Variants in SUPT3H observed in about 807,000 individuals in gnomAD.
SUPT3H encodes transcription initiation protein SPT3 homolog.
In SUPT3H, 44 loss-of-function variants were observed where a neutral mutation model predicts 44.3. The ratio of observed to expected loss-of-function variants is 0.99; its 90% CI spans 0.78 to 1.28. SUPT3H has a LOEUF of 1.28. SUPT3H is among the 50% of genes most tolerant of loss of function. The probability of loss-of-function intolerance (pLI) is 0.00; values close to 1 mark genes in which losing one functional copy is unlikely to be tolerated. For synonymous variants in SUPT3H, 124 were observed against 125.6 expected (o/e 0.99, Z 0.09); for missense variants, 380 against 387.1 (o/e 0.98, Z 0.15).
chr6:45,193,321 A>G (rs948550133), intron 2 of SUPT3H, among the ~76,000 whole-genome samples: 6 of 152,276 alleles, frequency 3.9e-5, no homozygotes, highest in African/African-American at 1.4e-4. Context: ...TGTCCTAAAT[A>G]AGCTTTAAAA....
chr6:45,119,472 T>C (rs972235657), intron 2 of SUPT3H, among the ~76,000 whole-genome samples: 1 of 152,148 alleles, frequency 6.6e-6, no homozygotes, highest in African/African-American at 2.4e-5. Flanking sequence ...CTTCCCTATG[T>C]TGTGAAAGTT....
chr6:44,829,822 G>T lies in SUPT3H; in HGVS notation c.948C>A (p.Ala316=). The change falls in exon 11 of 11, where the codon GCC becomes GCA. Residue 316 remains alanine (A), a synonymous_variant. Transcript: ENST00000371459. The part of the protein sequence containing the change: ...AYRRNGMAFL[A]C ...GCACATCACAGTTGTCACATCAGCAGGCTAGAAAAGCCATCCCATTCCTGC... is the reference window on the plus strand; with the variant it reads ...GCACATCACAGTTGTCACATCAGCATGCTAGAAAAGCCATCCCATTCCTGC... The T allele has an allele frequency of 6.2e-7, 1 of 1,613,134 alleles. No homozygotes were observed. Among genetic ancestry groups the T allele is most frequent in the African/African-American group, 1.3e-5 (1 of 74,996 alleles).
At chr6:45,166,982 A>T (rs1809992037) in intron 2 of SUPT3H, among the ~76,000 whole-genome samples, 1 of 152,222 alleles carries the variant, frequency 6.6e-6, no homozygotes, top group East Asian at 1.9e-4. Flanking sequence ...TAAACAGTAA[A>T]CATACACTAC....
rs1390497241 is a variant in SUPT3H, at chr6:45,048,027, T to A, written c.187-27395A>T. The stretch of plus-strand genomic sequence containing the variant: ...TTTGTTCACTTAAGATTTGGTAGTC[T>A]TTGGACTAGACTCTGGAATAGACAA... On this transcript the variant is annotated intron_variant, in intron 3 of 10. Coordinates refer to ENST00000371459, the MANE Select transcript of SUPT3H (RefSeq NM_003599.4). Among the ~76,000 whole-genome samples, 7 of 152,070 alleles carry A rather than the reference T, an allele frequency of 4.6e-5. No individual in the cohort carries two copies. The East Asian group carries it at 7.7e-4, about 17-fold the overall frequency.
rs541416828 is a variant in SUPT3H at position 44,872,542 on chromosome 6, T to A, written c.913-42685A>T. On this transcript the variant is annotated intron_variant, in intron 10 of 10. Transcript: ENST00000371459. ...ACAACCGGTACCAGCCACTGCAAAA[T>A]CATGACAAAATGTAAAGACCATCGA... Among the ~76,000 whole-genome samples, 990 of 152,140 alleles carry A rather than the reference T, an allele frequency of 6.5e-3. 12 individuals carry two copies. Among genetic ancestry groups the A allele is most frequent in the African/African-American group, 0.023 (935 of 41,480 alleles).
intron 2 of SUPT3H, among the ~76,000 whole-genome samples, chr6:45,157,712 C>A (rs1287677310): frequency 1.3e-5 from 2 of 151,784 alleles, no homozygotes; most frequent in African/African-American, 4.8e-5. Flanking sequence ...CCATGCCCGG[C>A]TAATTTTTGT....
chr6:44,944,762 C>CAAAAAAAAAAAAAA lies in SUPT3H; in HGVS notation c.801+8534_801+8547dup, dbSNP rs57506313. Among the ~76,000 whole-genome samples the CAAAAAAAAAAAAAA allele has an allele frequency of 2.1e-3, 62 of 29,868 alleles. 1 individual carries two copies. The highest frequency in any genetic ancestry group is 0.042 in the Middle Eastern group (1 of 24). 19.6% of individuals were successfully genotyped at this position (29,868 alleles called of 152,430 possible). A position where few individuals can be genotyped will look rare whatever the true frequency, so the allele number is the denominator to read the frequency against. ...GGGAGACAAAGCAAGACCCTCTCTCCAAAAAAAAAAAAAAAAAAAAAAAGA... is the reference window on the plus strand; with the variant it reads ...GGGAGACAAAGCAAGACCCTCTCTCCAAAAAAAAAAAAAAAAAAAAAAAAAAAAAAAAAAAAAGA... On this transcript the variant is annotated intron_variant, in intron 9 of 10. Transcript: ENST00000371459.
Position 44,840,748 on chromosome 6 carries a change from T to A in SUPT3H, c.913-10891A>T, listed in dbSNP as rs747098016. ...ACTATTTCCTATAGTGGTTTCCTTT[T>A]GTGATTTTGCTAATTTATTCAATCT... On this transcript the variant is annotated intron_variant, in intron 10 of 10. Coordinates refer to ENST00000371459, the MANE Select transcript of SUPT3H (RefSeq NM_003599.4). Among the ~76,000 whole-genome samples the A allele has an allele frequency of 6.8e-4, 104 of 152,326 alleles. 1 individual carries two copies. The highest frequency in any genetic ancestry group is 1.4e-3 in the Non-Finnish European group (93 of 68,034).
intron 2 of SUPT3H, among the ~76,000 whole-genome samples, chr6:45,343,941 G>A (rs1237917800): frequency 2.0e-5 from 3 of 152,046 alleles, no homozygotes; most frequent in Admixed American, 2.0e-4. Flanking sequence ...ATAACCAGTT[G>A]CCCTTGATAT....
At chr6:45,182,113 A>C (rs994389708) in intron 2 of SUPT3H, among the ~76,000 whole-genome samples, 9 of 152,146 alleles carry the variant, frequency 5.9e-5, no homozygotes, top group African/African-American at 1.4e-4. Context: ...TGATGTCTTC[A>C]AAAGCTATTC....
At chr6:45,276,738 A>C (rs1378779526) in intron 2 of SUPT3H, among the ~76,000 whole-genome samples, 1 of 152,210 alleles carries the variant, frequency 6.6e-6, no homozygotes, top group Non-Finnish European at 1.5e-5. Flanking sequence ...AGTAAAACCA[A>C]GTCAAACAGT....
At chr6:45,276,127 T>C (rs1338364003) in intron 2 of SUPT3H, among the ~76,000 whole-genome samples, 1 of 152,086 alleles carries the variant, frequency 6.6e-6, no homozygotes, top group Non-Finnish European at 1.5e-5. Context: ...ATTCTGCTAT[T>C]TACTGCATTA....
chr6:45,019,108 C>T (rs1784737266), intron 4 of SUPT3H, among the ~76,000 whole-genome samples: 1 of 152,138 alleles, frequency 6.6e-6, no homozygotes, highest in South Asian at 2.1e-4. Flanking sequence ...TTATCCATTT[C>T]TTCTAGATTT....
chr6:44,975,782 C>A (rs1480355571), intron 6 of SUPT3H, among the ~76,000 whole-genome samples: 1 of 151,852 alleles, frequency 6.6e-6, no homozygotes. Context: ...ATATAAACAT[C>A]AAATTACTTC....
intron 2 of SUPT3H, among the ~76,000 whole-genome samples, chr6:45,284,163 C>T (rs1434299855): frequency 2.0e-5 from 3 of 152,060 alleles, no homozygotes; most frequent in Non-Finnish European, 4.4e-5. Context: ...AATTGACACC[C>T]TAACATCATA....
chr6:45,061,771 A>G (rs1792090785), intron 3 of SUPT3H, among the ~76,000 whole-genome samples: 1 of 152,090 alleles, frequency 6.6e-6, no homozygotes, highest in Non-Finnish European at 1.5e-5. Context: ...TTTATGTGAT[A>G]CTTATGAATA....
chr6:45,209,306 G>A (rs940564867), intron 2 of SUPT3H, among the ~76,000 whole-genome samples: 2 of 152,142 alleles, frequency 1.3e-5, no homozygotes, highest in Non-Finnish European at 2.9e-5. Flanking sequence ...TCCTCTGACA[G>A]ATGTGGGCAA....
At chr6:45,065,119 C>T (rs1440709417) in intron 3 of SUPT3H, among the ~76,000 whole-genome samples, 2 of 151,428 alleles carry the variant, frequency 1.3e-5, no homozygotes, top group South Asian at 2.1e-4. Flanking sequence ...TCTCTCAGAC[C>T]ACAGTGCAAT....
intron 2 of SUPT3H, among the ~76,000 whole-genome samples, chr6:45,108,855 CTATAAAAGTATT>C (rs1218123441): frequency 3.9e-5 from 6 of 152,052 alleles, no homozygotes; most frequent in East Asian, 3.9e-4. Context: ...AAAACTAAAA[CTATAAAAGTATT>C]GGAAAAGAGA....
Sources: gnomAD v4.1 joint callset for allele counts (sites outside exome capture counted in the v4.1 genomes callset) on GRCh38, gnomAD v4.1.1 for gene constraint, MANE v1.5 for transcripts, NCBI Gene and HGNC (gene_info 2026-07-23, HGNC 2026-07-21) for gene names.